Variants in ADAMTS12 observed in about 807,000 individuals in gnomAD.
ADAMTS12 encodes A disintegrin and metalloproteinase with thrombospondin motifs 12.
In ADAMTS12, 118 loss-of-function variants were observed where a neutral mutation model predicts 167.8. The ratio of observed to expected loss-of-function variants is 0.70; its 90% confidence interval spans 0.61 to 0.82. ADAMTS12 has a LOEUF of 0.82. Among genes scored for constraint, ADAMTS12 ranks in the 40% least tolerant of loss-of-function variants. The probability of loss-of-function intolerance (pLI) is 0.00; values close to 1 mark genes in which losing one functional copy is unlikely to be tolerated. For missense variants in ADAMTS12, 1,916 were observed against 1,998.8 expected (o/e 0.96, Z 0.79); for synonymous variants, 704 against 716.9 (o/e 0.98, Z 0.29).
chr5:33,654,484 A>G (rs1300332718), intron 7 of ADAMTS12, among the ~76,000 whole-genome samples: 2 of 152,166 alleles, frequency 1.3e-5, no homozygotes, highest in African/African-American at 2.4e-5. Context: ...CCAAGCCTCT[A>G]TAGGTACCTG....
chr5:33,678,851 C>T (rs1391363089), intron 5 of ADAMTS12, among the ~76,000 whole-genome samples: 1 of 152,022 alleles, frequency 6.6e-6, no homozygotes, highest in Non-Finnish European at 1.5e-5. Context: ...TTTGAGTAGA[C>T]CAGAAAGTAT....
At chr5:33,550,813 C>T (rs1430059951) in intron 20 of ADAMTS12, among the ~76,000 whole-genome samples, 3 of 152,206 alleles carry the variant, frequency 2.0e-5, no homozygotes, top group South Asian at 2.1e-4. Flanking sequence ...TGCCCTGTTC[C>T]GCATCACACC....
At chr5:33,663,329 A>G (rs1741333985) in intron 5 of ADAMTS12, among the ~76,000 whole-genome samples, 1 of 152,184 alleles carries the variant, frequency 6.6e-6, no homozygotes, top group Non-Finnish European at 1.5e-5. Context: ...CTGTTGCTAG[A>G]TTAACAGCCC....
intron 2 of ADAMTS12, among the ~76,000 whole-genome samples, chr5:33,762,873 G>T (rs1297106249): frequency 6.6e-6 from 1 of 152,168 alleles, no homozygotes; most frequent in Admixed American, 6.5e-5. Flanking sequence ...ATACACACCA[G>T]GAACCTCTTT....
intron 3 of ADAMTS12, among the ~76,000 whole-genome samples, chr5:33,751,038 T>C (rs1251956190): frequency 6.6e-6 from 1 of 152,230 alleles, no homozygotes; most frequent in African/African-American, 2.4e-5. Context: ...CTGCTAATAC[T>C]GAAAATCATT....
At chr5:33,709,691 A>C (rs911720598) in intron 3 of ADAMTS12, among the ~76,000 whole-genome samples, 5 of 150,672 alleles carry the variant, frequency 3.3e-5, no homozygotes, top group African/African-American at 9.7e-5. Context: ...AACAACACAC[A>C]TGGGGGATTG....
At chr5:33,740,760 C>A (rs557778739) in intron 3 of ADAMTS12, among the ~76,000 whole-genome samples, 1 of 152,176 alleles carries the variant, frequency 6.6e-6, no homozygotes, top group East Asian at 1.9e-4. Context: ...ACAGTGGTAG[C>A]GGGATTGGAG....
chr5:33,649,482 C>T, intron 8 of ADAMTS12, 72 bp downstream of exon 8: 2 of 1,542,094 alleles, frequency 1.3e-6, no homozygotes, highest in Non-Finnish European at 8.8e-7. Context: ...ATCAGCTTCT[C>T]TGTGTAAAAC....
intron 16 of ADAMTS12, among the ~76,000 whole-genome samples, chr5:33,596,392 T>C (rs1261758228): frequency 2.0e-5 from 3 of 152,016 alleles, no homozygotes; most frequent in African/African-American, 7.2e-5. Flanking sequence ...ATTTAAATAA[T>C]GAAAGTAGGT....
intron 2 of ADAMTS12, among the ~76,000 whole-genome samples, chr5:33,825,119 G>A (rs1027366613): frequency 1.8e-4 from 27 of 152,142 alleles, no homozygotes; most frequent in Admixed American, 5.9e-4. Flanking sequence ...TAGAGTTCCC[G>A]GGAAAACTAC....
At chr5:33,623,344 A>G (rs573852621) in intron 14 of ADAMTS12, among the ~76,000 whole-genome samples, 5 of 152,198 alleles carry the variant, frequency 3.3e-5, no homozygotes, top group Non-Finnish European at 7.3e-5. Flanking sequence ...CGATCTCCCT[A>G]GAGTAACCTC....
intron 2 of ADAMTS12, among the ~76,000 whole-genome samples, chr5:33,819,692 T>C (rs1367680079): frequency 6.6e-6 from 1 of 152,152 alleles, no homozygotes; most frequent in African/African-American, 2.4e-5. Context: ...AGCATGGACA[T>C]TATAAACGAT....
intron 19 of ADAMTS12, among the ~76,000 whole-genome samples, chr5:33,562,439 T>C (rs1398684229): frequency 6.6e-6 from 1 of 152,024 alleles, no homozygotes; most frequent in Non-Finnish European, 1.5e-5. Context: ...CTGTAACTGA[T>C]TTTTCTTGCA....
intron 1 of ADAMTS12, among the ~76,000 whole-genome samples, chr5:33,888,661 C>A (rs1422834689): frequency 6.6e-6 from 1 of 152,156 alleles, no homozygotes; most frequent in Non-Finnish European, 1.5e-5. Flanking sequence ...GTTGATTTCA[C>A]AGAGATGTCA....
chr5:33,588,719 G>A lies in ADAMTS12; in HGVS notation c.2745C>T (p.Val915=), dbSNP rs780699623. Residue 915 remains valine (V), a synonymous_variant, in exon 18 of 24, where the codon GTC becomes GTT. Coordinates refer to ENST00000504830, the MANE Select transcript of ADAMTS12 (RefSeq NM_030955.4). The part of the protein sequence containing the change: ...KRTVLCIQTM[V]SDEQALPPTD... The stretch of plus-strand genomic sequence containing the variant: ...TGGGCGGGAGAGCCTGCTCGTCAGA[G>A]ACCATGGTCTGGATGCACAGCACGG... 5.6e-6 allele frequency: 9 copies of A among 1,614,168 alleles called. No homozygotes were observed. The highest frequency in any genetic ancestry group is 1.7e-5 in the Admixed American group (1 of 60,032).
At chr5:33,742,935 C>T (rs1007187336) in intron 3 of ADAMTS12, among the ~76,000 whole-genome samples, 4 of 152,148 alleles carry the variant, frequency 2.6e-5, no homozygotes, top group African/African-American at 7.2e-5. Context: ...AAAATAACAT[C>T]GGGTGATGAC....
chr5:33,875,900 T>C (rs1289358830), intron 2 of ADAMTS12, among the ~76,000 whole-genome samples: 1 of 152,146 alleles, frequency 6.6e-6, no homozygotes, highest in Non-Finnish European at 1.5e-5. Context: ...ATTGTATACA[T>C]AGGAAATCCC....
rs1554040094 is a variant in ADAMTS12 at position 33,751,282 on chromosome 5, A to AC, written c.634+121_634+122insG. On this transcript the variant is annotated intron_variant, in intron 3 of 23. Transcript: ENST00000504830. ...GAAGAGATTTGAATGTCATGAAGAT[A>AC]TTAAAAAAAAAAGAATACAGAGGAG... 3.8e-6 allele frequency: 4 copies of AC among 1,043,732 alleles called. No individual in the cohort carries two copies. In the African/African-American group the frequency reaches 7.0e-5, roughly 18 times the overall value. 64.7% of individuals were successfully genotyped at this position (1,043,732 alleles called of 1,614,324 possible). A position where few individuals can be genotyped will look rare whatever the true frequency, so the allele number is the denominator to read the frequency against.
chr5:33,856,790 A>T (rs1285701707), intron 2 of ADAMTS12, among the ~76,000 whole-genome samples: 1 of 152,226 alleles, frequency 6.6e-6, no homozygotes, highest in Non-Finnish European at 1.5e-5. Flanking sequence ...AAACCCTTGT[A>T]TCCTGCTGGT....
Sources: allele counts gnomAD v4.1 joint callset (sites outside exome capture counted in the v4.1 genomes callset), GRCh38; gene constraint gnomAD v4.1.1; transcripts MANE v1.5; gene names NCBI Gene and HGNC (gene_info 2026-07-23, HGNC 2026-07-21).